The following MED12L variants were observed in gnomAD, a reference collection of about 807,000 sequenced individuals.
MED12L encodes mediator complex subunit 12L.
MED12L carries 60 observed loss-of-function variants against 281.3 expected under a neutral mutation model. The ratio of observed to expected loss-of-function variants is 0.21; its 90% CI spans 0.17 to 0.26. The LOEUF is 0.26. Among genes scored for constraint, MED12L ranks in the 10% least tolerant of loss-of-function variants. MED12L has a pLI of 1.00. For synonymous variants in MED12L, 974 were observed against 987.2 expected, an observed-to-expected ratio of 0.99 and a Z score of 0.25; for missense variants, 2,146 against 2,680.9, an observed-to-expected ratio of 0.80 and a Z score of 4.41.
intron 25 of MED12L, 130 bp downstream of exon 25, chr3:151,368,381 G>A: frequency 1.4e-6 from 1 of 722,110 alleles, no homozygotes; most frequent in Non-Finnish European, 2.4e-6. Flanking sequence ...GTGATGAAGG[G>A]TGAGATGATA....
intron 2 of MED12L, among the ~76,000 whole-genome samples, chr3:151,092,676 A>G (rs982847002): frequency 4.6e-5 from 7 of 152,156 alleles, no homozygotes; most frequent in South Asian, 2.1e-4. Context: ...AAAGGGGAGG[A>G]TGTTGATAAA....
At chr3:151,417,476 T>TCCCCCCC (rs796227072) in intron 43 of MED12L, among the ~76,000 whole-genome samples, 2 of 29,502 alleles carry the variant, frequency 6.8e-5, no homozygotes, top group African/African-American at 2.0e-4. Flanking sequence ...CTCCCCCAGC[T>TCCCCCCC]CCCCCCCCGC....
At chr3:151,428,685 C>G in intron 43 of MED12L, among the ~76,000 whole-genome samples, 1 of 152,158 alleles carries the variant, frequency 6.6e-6, no homozygotes, top group East Asian at 1.9e-4. Flanking sequence ...TTGAAAGTAT[C>G]AGCTTGGTAA....
At position 151,244,461 on chromosome 3, in the gene MED12L, T is replaced by A. The variant is rs1280567378; in HGVS notation, c.2250+50795T>A. Among the ~76,000 whole-genome samples, 4 of 143,144 alleles carry A rather than the reference T, an allele frequency of 2.8e-5. No homozygotes were observed. The South Asian group carries it at 9.6e-4, about 35-fold the overall frequency. 93.9% of individuals were successfully genotyped at this position (143,144 alleles called of 152,430 possible). A position where few individuals can be genotyped will look rare whatever the true frequency, so the allele number is the denominator to read the frequency against. On this transcript the variant is annotated intron_variant, in intron 16 of 44. Transcript: ENST00000687756. The stretch of plus-strand genomic sequence containing the variant: ...TCAAACTAGAACTCAGGATTAAGAA[T>A]CTCACTCAAAACCACTCAACTACAT...
chr3:151,334,241 A>G (rs1194466601), intron 16 of MED12L, among the ~76,000 whole-genome samples: 1 of 83,482 alleles, frequency 1.2e-5, no homozygotes, highest in Non-Finnish European at 2.2e-5. Context: ...TTGCCTTTTC[A>G]TGCTCTTGCC....
intron 16 of MED12L, among the ~76,000 whole-genome samples, chr3:151,306,768 T>C (rs1746720318): frequency 6.6e-6 from 1 of 152,236 alleles, no homozygotes; most frequent in East Asian, 1.9e-4. Context: ...TCTCTTGTTA[T>C]TGCCCTCTGG....
At chr3:151,358,238 A>T (rs1167247540) in intron 20 of MED12L, among the ~76,000 whole-genome samples, 1 of 152,174 alleles carries the variant, frequency 6.6e-6, no homozygotes, top group East Asian at 1.9e-4. Context: ...TATGAAATGA[A>T]ATCTGAAACA....
chr3:151,303,201 TCCCAGGTA>T (rs1746172567), intron 16 of MED12L, among the ~76,000 whole-genome samples: 3 of 152,196 alleles, frequency 2.0e-5, no homozygotes, highest in African/African-American at 7.2e-5. Context: ...GTTGGAGGCC[TCCCAGGTA>T]TTTGACTATA....
At chr3:151,356,809 A>G (rs1434324979) in intron 19 of MED12L, among the ~76,000 whole-genome samples, 3 of 152,230 alleles carry the variant, frequency 2.0e-5, no homozygotes, top group Non-Finnish European at 4.4e-5. Flanking sequence ...TCCTTCTGCT[A>G]TTAGCAAACA....
chr3:151,159,577 AATG>A (rs1228785109), intron 7 of MED12L, among the ~76,000 whole-genome samples: 6 of 152,224 alleles, frequency 3.9e-5, no homozygotes, highest in African/African-American at 7.2e-5. Context: ...TACCTGTTGA[AATG>A]ATAACATTTG....
At chr3:151,164,166 C>A in intron 9 of MED12L, 124 bp downstream of exon 9, 1 of 998,272 alleles carries the variant, frequency 1.0e-6, no homozygotes, top group South Asian at 1.7e-5. Context: ...TGCCTGCTAA[C>A]ACTCTGGGTG....
intron 11 of MED12L, among the ~76,000 whole-genome samples, chr3:151,182,567 A>G (rs979779951): frequency 2.6e-5 from 4 of 152,084 alleles, no homozygotes; most frequent in Non-Finnish European, 5.9e-5. Flanking sequence ...ACTCGGGGGT[A>G]AGGAACGCAC....
chr3:151,199,252 A>G (rs147118688), intron 16 of MED12L: 2 of 1,614,010 alleles, frequency 1.2e-6, no homozygotes, highest in African/African-American at 1.3e-5. Flanking sequence ...CACACCTGTG[A>G]TTCGTATTCT....
intron 16 of MED12L, among the ~76,000 whole-genome samples, chr3:151,319,012 T>TG (rs757400613): frequency 6.6e-6 from 1 of 152,066 alleles, no homozygotes; most frequent in Non-Finnish European, 1.5e-5. Context: ...CTTGGAGTGT[T>TG]TCAGTGTTTC....
chr3:151,174,620 G>A (rs1721818439), intron 11 of MED12L, among the ~76,000 whole-genome samples: 1 of 152,196 alleles, frequency 6.6e-6, no homozygotes, highest in Non-Finnish European at 1.5e-5. Context: ...TTAAGGATGT[G>A]AAGTTAGGAA....
chr3:151,249,785 A>G (rs1159239580), intron 16 of MED12L, among the ~76,000 whole-genome samples: 13 of 152,102 alleles, frequency 8.5e-5, no homozygotes, highest in Admixed American at 7.2e-4. Context: ...TTCCTTCTTT[A>G]ACAAGTTCTT....
Position 151,367,633 on chromosome 3 carries a change from G to GT in MED12L, c.3328-8dup. 2 of 1,597,348 alleles carry GT rather than the reference G, an allele frequency of 1.3e-6. No homozygotes were observed. The highest frequency in any genetic ancestry group is 1.7e-6 in the Non-Finnish European group (2 of 1,169,192). ...TTGTTAGGTATTAAAACCTGTCAAT[G>GT]TTTTTCTTGAAGGTGAGTGACCTTT... On this transcript the variant is annotated splice_polypyrimidine_tract_variant and intron_variant, in intron 23 of 44. Transcript: ENST00000687756.
chr3:151,436,032 A>C lies in MED12L; in HGVS notation c.*3228A>C, dbSNP rs2108513027. Reference sequence around the variant, plus strand: ...TTTTAATGGGTGTATTTGGACAAAAATAACCCCCTTTTCACATTTTATGAT... The same window carrying C: ...TTTTAATGGGTGTATTTGGACAAAACTAACCCCCTTTTCACATTTTATGAT... On this transcript the variant is annotated 3_prime_UTR_variant, in exon 45 of 45. Transcript: ENST00000687756. 1 of 152,330 alleles carries C rather than the reference A, an allele frequency of 6.6e-6. No individual in the cohort carries two copies. Among genetic ancestry groups the C allele is most frequent in the East Asian group, 1.9e-4 (1 of 5,184 alleles). 9.4% of individuals were successfully genotyped at this position (152,330 alleles called of 1,614,324 possible). A position where few individuals can be genotyped will look rare whatever the true frequency, so the allele number is the denominator to read the frequency against.
chr3:151,269,355 G>A lies in MED12L; in HGVS notation c.2250+75689G>A, dbSNP rs143136470. The A allele has an allele frequency of 5.7e-4, 94 of 163,842 alleles. No homozygotes were observed. In the East Asian group the frequency reaches 7.1e-3, roughly 12 times the overall value. The allele number at this position is 163,842 out of a possible 1,614,324, so 10.1% of individuals were successfully genotyped here. ...GTGGAGGTTGCAGTGACCTGAGATC[G>A]TGCCATTGCACTCCAGCCTGGGCAA... On this transcript the variant is annotated intron_variant, in intron 16 of 44. Transcript: ENST00000687756.
Sources: gnomAD v4.1 joint callset for allele counts (sites outside exome capture counted in the v4.1 genomes callset) on GRCh38, gnomAD v4.1.1 for gene constraint, MANE v1.5 for transcripts, NCBI Gene and HGNC (gene_info 2026-07-23, HGNC 2026-07-21) for gene names.